The following TMC1 variants were observed in gnomAD, a reference collection of about 807,000 sequenced individuals.
TMC1 encodes the protein transmembrane channel like 1.
A neutral mutation model predicts 105.8 loss-of-function variants in TMC1; 84 were observed. The observed-to-expected ratio is 0.79, with a 90% confidence interval of 0.67 to 0.95. TMC1 has a LOEUF of 0.95. TMC1 is among the 40% of genes least tolerant of loss of function. The probability of loss-of-function intolerance (pLI) is 0.00; values close to 1 mark genes in which losing one functional copy is unlikely to be tolerated. For synonymous variants in TMC1, 315 were observed against 311.5 expected (o/e 1.01, Z -0.12); for missense variants, 817 against 914.1 (o/e 0.89, Z 1.37).
intron 4 of TMC1, among the ~76,000 whole-genome samples, chr9:72,638,151 T>C (rs532618413): frequency 1.3e-5 from 2 of 152,202 alleles, no homozygotes; most frequent in Non-Finnish European, 2.9e-5. Context: ...ACATATACTT[T>C]CTCTCCTCCC....
chr9:72,632,829 A>G (rs376685960), intron 4 of TMC1, among the ~76,000 whole-genome samples: 1 of 152,216 alleles, frequency 6.6e-6, no homozygotes. Flanking sequence ...ACCAAAATTA[A>G]ACTCTAACTT....
intron 2 of TMC1, among the ~76,000 whole-genome samples, chr9:72,603,231 G>A (rs1824848443): frequency 6.6e-6 from 1 of 152,130 alleles, no homozygotes. Context: ...CATTGCCGGA[G>A]TCACTGAAGG....
At chr9:72,742,389 C>A in intron 9 of TMC1, 55 bp from the exon 10 acceptor site, 1 of 1,407,404 alleles carries the variant, frequency 7.1e-7, no homozygotes. Context: ...GGGGGATAAA[C>A]ATCTTGACAA....
At chr9:72,553,178 G>T (rs1397450343) in intron 1 of TMC1, among the ~76,000 whole-genome samples, 1 of 152,002 alleles carries the variant, frequency 6.6e-6, no homozygotes, top group Admixed American at 6.6e-5. Context: ...TCTCCATGTT[G>T]GTCAGGCTGG....
At chr9:72,596,523 T>C (rs566646879) in intron 2 of TMC1, among the ~76,000 whole-genome samples, 1 of 141,944 alleles carries the variant, frequency 7.0e-6, no homozygotes, top group East Asian at 2.0e-4. Context: ...GGACTATCAG[T>C]TCACAGTTTC....
chr9:72,588,899 C>T (rs1194410959), intron 2 of TMC1, among the ~76,000 whole-genome samples: 2 of 151,984 alleles, frequency 1.3e-5, no homozygotes, highest in Admixed American at 1.3e-4. Flanking sequence ...CCTCAGCCTC[C>T]CGAGTAGCTG....
intron 2 of TMC1, among the ~76,000 whole-genome samples, chr9:72,610,870 A>T (rs1160023999): frequency 6.6e-6 from 1 of 152,236 alleles, no homozygotes; most frequent in African/African-American, 2.4e-5. Context: ...AAGATCTGGG[A>T]TATTTCCTTA....
intron 2 of TMC1, among the ~76,000 whole-genome samples, chr9:72,614,593 T>G (rs989681506): frequency 1.3e-5 from 2 of 152,308 alleles, no homozygotes; most frequent in Non-Finnish European, 2.9e-5. Flanking sequence ...CCTTAAAATA[T>G]TACAGTGAAA....
intron 5 of TMC1, among the ~76,000 whole-genome samples, chr9:72,659,049 G>T (rs961108770): frequency 3.9e-5 from 6 of 152,182 alleles, no homozygotes; most frequent in Non-Finnish European, 2.9e-5. Context: ...CTCATGATGA[G>T]TGGAGAGGAA....
chr9:72,633,219 C>T (rs1342379310), intron 4 of TMC1, among the ~76,000 whole-genome samples: 4 of 152,152 alleles, frequency 2.6e-5, no homozygotes. Context: ...AAGCTTGGCC[C>T]TACCTTTTCT....
At chr9:72,706,330 G>A (rs1462793623) in intron 8 of TMC1, among the ~76,000 whole-genome samples, 1 of 152,150 alleles carries the variant, frequency 6.6e-6, no homozygotes, top group Non-Finnish European at 1.5e-5. Context: ...GGACATTTAA[G>A]CGTGTGAACA....
chr9:72,825,384 C>A (rs1828936136), intron 20 of TMC1, among the ~76,000 whole-genome samples: 1 of 152,150 alleles, frequency 6.6e-6, no homozygotes, highest in African/African-American at 2.4e-5. Flanking sequence ...TTTGGCTAAC[C>A]TGGCAGGAGA....
chr9:72,538,692 G>T (rs1823627127), intron 1 of TMC1, among the ~76,000 whole-genome samples: 3 of 152,198 alleles, frequency 2.0e-5, no homozygotes, highest in African/African-American at 7.2e-5. Context: ...GCCTGCCTTG[G>T]CCTCCCAAAG....
chr9:72,721,356 A>C (rs1827022084), intron 8 of TMC1, among the ~76,000 whole-genome samples: 1 of 152,148 alleles, frequency 6.6e-6, no homozygotes, highest in Admixed American at 6.5e-5. Flanking sequence ...TGGCCTTTGG[A>C]AGCTTAGGGC....
rs1285717095 is a variant in TMC1, at chr9:72,772,405, G to A, written c.742-8G>A. 1 of 1,613,588 alleles carries A rather than the reference G, an allele frequency of 6.2e-7. No individual in the cohort carries two copies. Among genetic ancestry groups the A allele is most frequent in the Admixed American group, 1.7e-5 (1 of 59,974 alleles). On this transcript the variant is annotated splice_polypyrimidine_tract_variant and splice_region_variant and intron_variant, in intron 12 of 23. Coordinates refer to ENST00000297784, the MANE Select transcript of TMC1 (RefSeq NM_138691.3). ...CAACTGCTAAGTGGCTTTGTTGTTG[G>A]ATTTCAGGGTTTGGCACAATATTCC...
chr9:72,755,071 GGA>G lies in TMC1; in HGVS notation c.741+212_741+213del, dbSNP rs55848138. Among the ~76,000 whole-genome samples the G allele has an allele frequency of 0.11, 13,885 of 126,726 alleles. 708 individuals carry two copies. The highest frequency in any genetic ancestry group is 0.13 in the Non-Finnish European group (8,262 of 62,030). The allele number at this position is 126,726 out of a possible 152,430, so 83.1% of individuals were successfully genotyped here. A position where few individuals can be genotyped will look rare whatever the true frequency, so the allele number is the denominator to read the frequency against. On this transcript the variant is annotated intron_variant, in intron 12 of 23. Coordinates refer to ENST00000297784, the MANE Select transcript of TMC1 (RefSeq NM_138691.3). ...GAGAGAGAGGGAGGGAGGGAGGGAG[GGA>G]GAGAGAGAGAGAGAGAGAGAGAGAA...
intron 1 of TMC1, among the ~76,000 whole-genome samples, chr9:72,522,337 G>A (rs1204843909): frequency 2.6e-5 from 4 of 152,090 alleles, no homozygotes; most frequent in Admixed American, 2.6e-4. Context: ...TCCTGACCTC[G>A]TGATCCGCCC....
intron 12 of TMC1, among the ~76,000 whole-genome samples, chr9:72,761,506 G>A (rs1447154888): frequency 6.6e-6 from 1 of 152,178 alleles, no homozygotes; most frequent in Non-Finnish European, 1.5e-5. Flanking sequence ...TATCATAGAT[G>A]TGGGAGATAG....
chr9:72,776,592 C>A (rs1411283189), intron 13 of TMC1, among the ~76,000 whole-genome samples: 3 of 152,146 alleles, frequency 2.0e-5, no homozygotes, highest in African/African-American at 7.2e-5. Context: ...CAAAAGATAT[C>A]TTCTACCCCT....
Sources: gnomAD v4.1 joint callset for allele counts (sites outside exome capture counted in the v4.1 genomes callset) on GRCh38, gnomAD v4.1.1 for gene constraint, MANE v1.5 for transcripts, NCBI Gene and HGNC (gene_info 2026-07-23, HGNC 2026-07-21) for gene names.